Variants in EGLN3 observed in about 807,000 individuals in gnomAD.
EGLN3 encodes egl-9 family hypoxia inducible factor 3.
A neutral mutation model predicts 26.0 loss-of-function variants in EGLN3; 15 were observed. That is an observed-to-expected ratio of 0.58 (90% CI 0.39 to 0.89). The LOEUF (loss-of-function observed/expected upper bound fraction) is 0.89, where lower values mean the gene tolerates loss of function less well. EGLN3 is among the 40% of genes least tolerant of loss of function. EGLN3 has a pLI of 0.00. For missense variants in EGLN3, 238 were observed against 311.6 expected (o/e 0.76, Z 1.78); for synonymous variants, 147 against 127.2 (o/e 1.16, Z -1.05).
chr14:33,947,837 G>A (rs2064528678), intron 1 of EGLN3, among the ~76,000 whole-genome samples: 1 of 152,114 alleles, frequency 6.6e-6, no homozygotes, highest in Non-Finnish European at 1.5e-5. Flanking sequence ...GGATCATGAG[G>A]TCAAGAGATC....
intron 1 of EGLN3, among the ~76,000 whole-genome samples, chr14:33,942,081 TTTTAA>T (rs1352622463): frequency 3.9e-5 from 6 of 152,158 alleles, no homozygotes; most frequent in African/African-American, 2.4e-5. Context: ...GATTATTTTG[TTTTAA>T]GCACAGAGAC....
intron 1 of EGLN3, among the ~76,000 whole-genome samples, chr14:33,940,383 GTTTT>G (rs974216663): frequency 6.9e-6 from 1 of 144,852 alleles, no homozygotes; most frequent in Non-Finnish European, 1.5e-5. Context: ...ATCGTTTTTT[GTTTT>G]TTTTTTTAGT....
intron 1 of EGLN3, among the ~76,000 whole-genome samples, chr14:33,933,570 C>T (rs756003125): frequency 8.5e-5 from 13 of 152,150 alleles, no homozygotes; most frequent in Non-Finnish European, 1.6e-4. Context: ...GAAATCATTT[C>T]GAGCATCAGT....
intron 1 of EGLN3, among the ~76,000 whole-genome samples, chr14:33,945,619 G>C (rs751258416): frequency 2.0e-4 from 31 of 152,222 alleles, no homozygotes; most frequent in Non-Finnish European, 4.0e-4. Context: ...CAAAAGCAGG[G>C]AAGCAAAGAT....
chr14:33,925,897 T>C lies in EGLN3; in HGVS notation c.714A>G (p.Glu238=), dbSNP rs2064358876. ...AGCAGATTTCAGAGCACGGTCAGTC[T>C]TCAGTGAGGGCAGATTCAGTTTTCC... is the stretch of plus-strand genomic sequence containing the variant. ...LTRKTESALT[E]D Residue 238 remains glutamate (E), a synonymous_variant, in exon 5 of 5, where the codon GAA becomes GAG. Transcript: ENST00000250457. 6.2e-7 allele frequency: 1 copy of C among 1,613,766 alleles called. No individual in the cohort carries two copies. Among genetic ancestry groups the C allele is most frequent in the African/African-American group, 1.3e-5 (1 of 74,966 alleles).
chr14:33,930,414 T>G (rs746850936), intron 2 of EGLN3, among the ~76,000 whole-genome samples: 11 of 152,236 alleles, frequency 7.2e-5, no homozygotes, highest in Non-Finnish European at 1.6e-4. Context: ...GAAATTGAGA[T>G]GCAGAAGGTT....
chr14:33,937,359 T>G (rs2064450193), intron 1 of EGLN3, among the ~76,000 whole-genome samples: 1 of 152,244 alleles, frequency 6.6e-6, no homozygotes, highest in Admixed American at 6.5e-5. Flanking sequence ...TGTCATCAGT[T>G]ACCTTGGCAT....
chr14:33,931,354 T>C (rs2064402291), intron 1 of EGLN3, 139 bp from the exon 2 acceptor site: 1 of 1,304,104 alleles, frequency 7.7e-7, no homozygotes. Flanking sequence ...CTTAATTTCA[T>C]GTATGGTACA....
intron 1 of EGLN3, among the ~76,000 whole-genome samples, chr14:33,944,094 T>C (rs1424017181): frequency 6.6e-6 from 1 of 152,160 alleles, no homozygotes; most frequent in Non-Finnish European, 1.5e-5. Flanking sequence ...CCAGCCAGCG[T>C]AGCCCCTTCT....
Position 33,924,435 on chromosome 14 carries a change from G to A in EGLN3, c.*1456C>T, listed in dbSNP as rs555504526. On this transcript the variant is annotated 3_prime_UTR_variant, in exon 5 of 5. Coordinates refer to ENST00000250457, the MANE Select transcript of EGLN3 (RefSeq NM_022073.4). ...AATTTAGAAGGTGATAACTATTACC[G>A]TACAACAAAATAGAGCAGTCGTTGA... The A allele has an allele frequency of 3.3e-5, 5 of 152,096 alleles. No individual in the cohort carries two copies. The South Asian group carries it at 6.2e-4, about 19-fold the overall frequency. The allele number at this position is 152,096 out of a possible 1,614,324, so 9.4% of individuals were successfully genotyped here. A position where few individuals can be genotyped will look rare whatever the true frequency, so the allele number is the denominator to read the frequency against.
At chr14:33,936,851 C>T (rs766272308) in intron 1 of EGLN3, among the ~76,000 whole-genome samples, 12 of 150,482 alleles carry the variant, frequency 8.0e-5, no homozygotes, top group Non-Finnish European at 1.6e-4. Context: ...CAAATTAAGC[C>T]AAAATGTCCA....
intron 1 of EGLN3, chr14:33,948,404 A>G (rs1341848242): frequency 6.6e-6 from 1 of 152,210 alleles, no homozygotes; most frequent in Non-Finnish European, 1.5e-5. Flanking sequence ...GGAATATTCC[A>G]ATCGAAAGGT....
chr14:33,950,742 C>T lies in EGLN3; in HGVS notation c.11G>A (p.Gly4Glu). Residue 4 changes from glycine (G) to glutamate (E), a missense_variant, in exon 1 of 5, where the codon GGA becomes GAA. Gly to Glu is a moderately conservative substitution (Grantham distance 98, BLOSUM62 -2). Transcript: ENST00000250457. MPLGHIMRLDLEKI... is the reference protein window; with the variant it reads MPLEHIMRLDLEKI... ...CTCCAGGTCCAGCCTCATGATGTGT[C>T]CCAGGGGCATCTCGCCCGCAGAATC... is the stretch of plus-strand genomic sequence containing the variant. The T allele has an allele frequency of 1.2e-6, 2 of 1,603,446 alleles. No individual in the cohort carries two copies. Among genetic ancestry groups the T allele is most frequent in the South Asian group, 1.1e-5 (1 of 90,680 alleles).
chr14:33,945,333 G>A (rs2064510340), intron 1 of EGLN3, among the ~76,000 whole-genome samples: 1 of 152,158 alleles, frequency 6.6e-6, no homozygotes, highest in Non-Finnish European at 1.5e-5. Flanking sequence ...TGTGCTCTAA[G>A]AGCTATAACT....
chr14:33,933,056 C>A (rs551189916), intron 1 of EGLN3, among the ~76,000 whole-genome samples: 87 of 152,208 alleles, frequency 5.7e-4, no homozygotes, highest in African/African-American at 2.1e-3. Flanking sequence ...GACATCAATG[C>A]TATAATCTTA....
chr14:33,940,060 G>C (rs2064471809), intron 1 of EGLN3, among the ~76,000 whole-genome samples: 1 of 152,044 alleles, frequency 6.6e-6, no homozygotes, highest in Non-Finnish European at 1.5e-5. Flanking sequence ...TTGGTATTCA[G>C]TCTGTAAACT....
Position 33,931,197 on chromosome 14 carries a change from G to C in EGLN3, c.376C>G (p.Pro126Ala). The change falls in exon 2 of 5, where the codon CCG becomes GCG. Residue 126 changes from proline to alanine, a missense_variant. Pro to Ala is a conservative substitution (Grantham distance 27). Coordinates refer to ENST00000250457, the MANE Select transcript of EGLN3 (RefSeq NM_022073.4). ...ERSKAMVACY[P>A]GNGTGYVRHV... ...CGAACATAACCTGTTCCATTTCCCG[G>C]ATAGCAAGCCACCATTGCCTATGGA... is the stretch of plus-strand genomic sequence containing the variant. 2 of 1,614,172 alleles carry C rather than the reference G, an allele frequency of 1.2e-6. No homozygotes were observed. The highest frequency in any genetic ancestry group is 1.7e-6 in the Non-Finnish European group (2 of 1,180,014).
Position 33,925,594 on chromosome 14 carries a change from A to G in EGLN3, c.*297T>C. The G allele has an allele frequency of 2.6e-6, 1 of 382,872 alleles. No homozygotes were observed. Among genetic ancestry groups the G allele is most frequent in the Non-Finnish European group, 4.8e-6 (1 of 208,716 alleles). 23.7% of individuals were successfully genotyped at this position (382,872 alleles called of 1,614,324 possible). On this transcript the variant is annotated 3_prime_UTR_variant, in exon 5 of 5. Coordinates refer to ENST00000250457, the MANE Select transcript of EGLN3 (RefSeq NM_022073.4). ...AGGTTCATTCCCTCGCTGTGCTCCT[A>G]GGCTCTTCTCTTGATAGTATTACCG...
Position 33,951,031 on chromosome 14 carries a change from G to A in EGLN3, c.-279C>T, listed in dbSNP as rs933072453. On this transcript the variant is annotated 5_prime_UTR_variant, in exon 1 of 5. Coordinates refer to ENST00000250457, the MANE Select transcript of EGLN3 (RefSeq NM_022073.4). ...AGTGCGGCGCAAGGAGTCGGAGGGC[G>A]CCTTTTGGGGATGGGAAGCCACCAC... The A allele has an allele frequency of 3.9e-5, 16 of 413,270 alleles. No homozygotes were observed. The highest frequency in any genetic ancestry group is 5.6e-5 in the Non-Finnish European group (13 of 233,050). The allele number at this position is 413,270 out of a possible 1,614,324, so 25.6% of individuals were successfully genotyped here.
Sources: allele counts gnomAD v4.1 joint callset (sites outside exome capture counted in the v4.1 genomes callset), GRCh38; gene constraint gnomAD v4.1.1; transcripts MANE v1.5; gene names NCBI Gene and HGNC (gene_info 2026-07-23, HGNC 2026-07-21).